GREB1: variants seen among roughly 807,000 people sequenced by gnomAD.
GREB1 encodes the protein protein GREB1.
Under a neutral mutation model 200.7 loss-of-function variants are expected in GREB1, and 106 were observed. The observed-to-expected ratio is 0.53, with a 90% confidence interval of 0.45 to 0.62. GREB1 has a LOEUF of 0.62. GREB1 is among the 20% of genes least tolerant of loss of function. The probability of loss-of-function intolerance (pLI) is 0.00; values close to 1 mark genes in which losing one functional copy is unlikely to be tolerated. For missense variants in GREB1, 2,243 were observed against 2,556.8 expected (o/e 0.88, Z 2.65); for synonymous variants, 1,132 against 1,092.4 (o/e 1.04, Z -0.72).
chr2:11,524,439 G>T (rs1209170697), intron 1 of GREB1, among the ~76,000 whole-genome samples: 13 of 152,172 alleles, frequency 8.5e-5, no homozygotes. Context: ...GTGAAATGAA[G>T]TGGCATGTGA....
At chr2:11,556,165 G>A (rs773195184) in intron 1 of GREB1, among the ~76,000 whole-genome samples, 1 of 152,142 alleles carries the variant, frequency 6.6e-6, no homozygotes, top group Non-Finnish European at 1.5e-5. Flanking sequence ...GGGGAGGCCG[G>A]CTCCTCTAAT....
intron 1 of GREB1, among the ~76,000 whole-genome samples, chr2:11,535,860 G>C (rs1674268710): frequency 6.6e-6 from 1 of 152,134 alleles, no homozygotes; most frequent in East Asian, 1.9e-4. Context: ...TCTACATTTT[G>C]CCTGGATATG....
intron 25 of GREB1, among the ~76,000 whole-genome samples, chr2:11,627,946 C>T (rs1684598922): frequency 1.3e-5 from 2 of 152,086 alleles, no homozygotes; most frequent in African/African-American, 4.8e-5. Context: ...GGGAGAGGGA[C>T]AGCATGTGTG....
chr2:11,521,479 CTAAAACTTT>C (rs1489972207), intron 1 of GREB1, among the ~76,000 whole-genome samples: 1 of 152,200 alleles, frequency 6.6e-6, no homozygotes, highest in African/African-American at 2.4e-5. Context: ...GTGTGAATTT[CTAAAACTTT>C]TAAAGGATAA....
chr2:11,607,190 C>T (rs1682381796), intron 17 of GREB1, among the ~76,000 whole-genome samples: 1 of 151,874 alleles, frequency 6.6e-6, no homozygotes. Context: ...CTCAAGCCAT[C>T]CCCCCATCTC....
At position 11,494,838 on chromosome 2, in the gene GREB1, G is replaced by A. The variant is rs550962786; in HGVS notation, c.-159+12457G>A. On this transcript the variant is annotated intron_variant, in intron 1 of 2. Transcript: ENST00000628795. ...AATCCAGCGAGTTTACACCGCAGGTGCTTAGACCATTGCCTCATACATGAA... is the reference window on the plus strand; with the variant it reads ...AATCCAGCGAGTTTACACCGCAGGTACTTAGACCATTGCCTCATACATGAA... Among the ~76,000 whole-genome samples, 4 of 152,304 alleles carry A rather than the reference G, an allele frequency of 2.6e-5. No individual in the cohort carries two copies. The East Asian group carries it at 7.7e-4, about 29-fold the overall frequency.
rs1679111659 is a variant in GREB1 at position 11,578,439 on chromosome 2, G to A, written c.772+8G>A. 6.2e-7 allele frequency: 1 copy of A among 1,613,272 alleles called. No homozygotes were observed. Among genetic ancestry groups the A allele is most frequent in the African/African-American group, 1.3e-5 (1 of 74,924 alleles). ...TGGGAGCTCAGCAGGCAGGTGAGGT[G>A]GTGGAGACACACCAGAGCTGCTAAA... is the stretch of plus-strand genomic sequence containing the variant. On this transcript the variant is annotated splice_region_variant and intron_variant, in intron 6 of 32. Coordinates refer to ENST00000381486, the MANE Select transcript of GREB1 (RefSeq NM_014668.4).
intron 17 of GREB1, among the ~76,000 whole-genome samples, chr2:11,606,975 G>T (rs71446421): frequency 0.15 from 22,277 of 151,762 alleles, 1,823 homozygotes; most frequent in Middle Eastern, 0.2. Flanking sequence ...TAGAGACAGG[G>T]TTTCACCATG....
intron 4 of GREB1, among the ~76,000 whole-genome samples, chr2:11,568,018 C>G (rs919023312): frequency 6.6e-6 from 1 of 152,202 alleles, no homozygotes; most frequent in Non-Finnish European, 1.5e-5. Flanking sequence ...TGGAGGAAAT[C>G]TGGGCAGGAG....
At chr2:11,521,820 C>T (rs1283714257) in intron 1 of GREB1, among the ~76,000 whole-genome samples, 1 of 152,202 alleles carries the variant, frequency 6.6e-6, no homozygotes, top group Non-Finnish European at 1.5e-5. Flanking sequence ...AGCCAGTTTT[C>T]ACCACACTGT....
intron 12 of GREB1, among the ~76,000 whole-genome samples, chr2:11,595,896 G>T (rs974907768): frequency 2.0e-5 from 3 of 152,022 alleles, no homozygotes; most frequent in Admixed American, 6.6e-5. Context: ...TCTTCCTTCT[G>T]CCCTAGCACC....
chr2:11,601,350 G>A (rs950170842), intron 16 of GREB1, among the ~76,000 whole-genome samples: 29 of 152,180 alleles, frequency 1.9e-4, no homozygotes, highest in African/African-American at 5.8e-4. Context: ...ACAGAGCAAC[G>A]CTTAATGTCT....
chr2:11,560,526 C>G (rs1254315446), intron 2 of GREB1, among the ~76,000 whole-genome samples: 3 of 152,058 alleles, frequency 2.0e-5, no homozygotes, highest in Non-Finnish European at 2.9e-5. Context: ...CATGGTGAAA[C>G]CCCATCTCTA....
Position 11,592,832 on chromosome 2 carries a change from C to G in GREB1, c.1402C>G (p.Arg468Gly). 2 of 1,590,928 alleles carry G rather than the reference C, an allele frequency of 1.3e-6. No individual in the cohort carries two copies. Among genetic ancestry groups the G allele is most frequent in the Non-Finnish European group, 1.7e-6 (2 of 1,172,698 alleles). ...DLEQIFLRSW[R>G]ESHLTEIRQY... ...GGAGCAGATCTTCCTGCGCTCTTGGCGCGAGTCGCACCTGACCGAGATCCG... is the reference window on the plus strand; with the variant it reads ...GGAGCAGATCTTCCTGCGCTCTTGGGGCGAGTCGCACCTGACCGAGATCCG... Residue 468 changes from arginine (R) to glycine (G), a missense_variant, in exon 11 of 33, where the codon CGC becomes GGC. Arg to Gly is a moderately radical substitution (Grantham distance 125). Transcript: ENST00000381486.
chr2:11,622,859 A>G (rs1684119079), intron 23 of GREB1, among the ~76,000 whole-genome samples: 1 of 152,224 alleles, frequency 6.6e-6, no homozygotes, highest in Non-Finnish European at 1.5e-5. Flanking sequence ...AGACTTAGGG[A>G]CAGGAGAGCA....
chr2:11,535,079 C>T (rs1285052321), intron 1 of GREB1, among the ~76,000 whole-genome samples: 1 of 152,138 alleles, frequency 6.6e-6, no homozygotes, highest in Admixed American at 6.5e-5. Context: ...CGCCTGGCTC[C>T]TGGGAGATCT....
rs1244514968 is a variant in GREB1 at position 11,642,174 on chromosome 2, GGTGCA to G, written c.*1721_*1725del. 2 of 151,886 alleles carry G rather than the reference GGTGCA, an allele frequency of 1.3e-5. No homozygotes were observed. The highest frequency in any genetic ancestry group is 2.9e-5 in the Non-Finnish European group (2 of 67,990). The allele number at this position is 151,886 out of a possible 1,614,324, so 9.4% of individuals were successfully genotyped here. On this transcript the variant is annotated 3_prime_UTR_variant, in exon 33 of 33. Transcript: ENST00000381486. ...CTTGCTGCCCAGGCTGGAGTGCAAT[GGTGCA>G]ATGACCTCGGCTCACTGCAACCTCT...
At chr2:11,517,904 T>G (rs1391080355) in intron 1 of GREB1, among the ~76,000 whole-genome samples, 5 of 152,154 alleles carry the variant, frequency 3.3e-5, no homozygotes, top group Admixed American at 3.3e-4. Flanking sequence ...CCACCTGCCT[T>G]GGCCTCCCAA....
intron 1 of GREB1, among the ~76,000 whole-genome samples, chr2:11,517,107 G>A (rs982166011): frequency 6.6e-6 from 1 of 152,222 alleles, no homozygotes; most frequent in Non-Finnish European, 1.5e-5. Flanking sequence ...GGGTCACTTG[G>A]ATGAGTGAGA....
Sources: allele counts gnomAD v4.1 joint callset (sites outside exome capture counted in the v4.1 genomes callset), GRCh38; gene constraint gnomAD v4.1.1; transcripts MANE v1.5; gene names NCBI Gene and HGNC (gene_info 2026-07-23, HGNC 2026-07-21).